MAPK8IP2: variants seen among roughly 807,000 people sequenced by gnomAD.
MAPK8IP2 encodes mitogen-activated protein kinase 8 interacting protein 2.
A neutral mutation model predicts 75.6 loss-of-function variants in MAPK8IP2; 15 were observed. The observed-to-expected ratio is 0.20, with a 90% confidence interval of 0.13 to 0.31. The LOEUF (loss-of-function observed/expected upper bound fraction) is 0.31, where lower values mean the gene tolerates loss of function less well. MAPK8IP2 is among the 10% of genes least tolerant of loss of function. The probability of loss-of-function intolerance (pLI) is 1.00; values close to 1 mark genes in which losing one functional copy is unlikely to be tolerated. For synonymous variants in MAPK8IP2, 632 were observed against 554.5 expected, an observed-to-expected ratio of 1.14 and a Z score of -1.96; for missense variants, 1,089 against 1,211.2, an observed-to-expected ratio of 0.90 and a Z score of 1.50.
rs1310904129 is a variant in MAPK8IP2, at chr22:50,606,671, G to A, written c.2138G>A (p.Arg713Gln). 3.8e-6 allele frequency: 6 copies of A among 1,595,432 alleles called. No homozygotes were observed. Among genetic ancestry groups the A allele is most frequent in the Non-Finnish European group, 5.1e-6 (6 of 1,171,300 alleles). The change falls in exon 9 of 12, where the codon CGG becomes CAG. Residue 713 changes from arginine (R) to glutamine (Q), a missense_variant. Physicochemically the swap from Arg to Gln is conservative, Grantham distance 43. Around this residue, in one of 2 missense-constraint regions of MAPK8IP2, gnomAD observed 129 missense variants for 201.7 expected, o/e 0.64. Transcript: ENST00000329492. ...CTTCTTCTGTAGATTGCCACTGCCCGGAAACTGACCGTCCACCTGCGCCCT... is the reference window on the plus strand; with the variant it reads ...CTTCTTCTGTAGATTGCCACTGCCCAGAAACTGACCGTCCACCTGCGCCCT... Reference protein sequence around the residue: ...CAAMQKIATARKLTVHLRPPA... With the variant: ...CAAMQKIATAQKLTVHLRPPA...
chr22:50,603,101 A>C (rs1169894985), intron 2 of MAPK8IP2, 122 bp from the exon 3 acceptor site: 2 of 1,576,164 alleles, frequency 1.3e-6, no homozygotes, highest in South Asian at 2.3e-5. Context: ...ACAGAGGGGC[A>C]GAGTGAGCTG....
At chr22:50,601,990 C>T (rs2146678180) in intron 2 of MAPK8IP2, 96 bp downstream of exon 2, 2 of 980,214 alleles carry the variant, frequency 2.0e-6, no homozygotes, top group Non-Finnish European at 1.6e-6. Flanking sequence ...GGTGTGAGCT[C>T]AGCCTTGAAC....
intron 10 of MAPK8IP2, among the ~76,000 whole-genome samples, chr22:50,608,670 G>A (rs1184408438): frequency 6.9e-6 from 1 of 144,558 alleles, no homozygotes; most frequent in African/African-American, 2.6e-5. Flanking sequence ...GGGCAGGGGC[G>A]CAGACCAGAC....
At position 50,606,901 on chromosome 22, in the gene MAPK8IP2, T is replaced by G. The variant is rs1057150844; in HGVS notation, c.2233-20T>G. The G allele has an allele frequency of 1.9e-6, 3 of 1,613,158 alleles. No individual in the cohort carries two copies. The African/African-American group carries it at 4.0e-5, about 22-fold the overall frequency. On this transcript the variant is annotated intron_variant, in intron 9 of 11. Coordinates refer to ENST00000329492, the MANE Select transcript of MAPK8IP2 (RefSeq NM_012324.6). ...CCAGGCCTCCTTTGACACAGGGACT[T>G]CTGCCCACCTCTGCTCTAGTTCCAG...
intron 2 of MAPK8IP2, among the ~76,000 whole-genome samples, chr22:50,602,338 T>C (rs1283669421): frequency 6.6e-6 from 1 of 152,240 alleles, no homozygotes. Context: ...CTCCTCCCTG[T>C]CTCTCCACAT....
chr22:50,605,726 A>T lies in MAPK8IP2; in HGVS notation c.2006A>T (p.Asp669Val), dbSNP rs201016359. Residue 669 changes from aspartate (D) to valine (V), a missense_variant, in exon 7 of 12, where the codon GAC becomes GTC. Around this residue, in one of 2 missense-constraint regions of MAPK8IP2, gnomAD observed 960 missense variants for 1,009.6 expected, o/e 0.95. Transcript: ENST00000329492. ...CATGCGGTGCCCGGCCCTGCCAAGG[A>T]CCTGCTGGGTGAGGTCCCAACCCCG... ...YAHAVPGPAKDLLGSKRSPCW... is the reference protein window; with the variant it reads ...YAHAVPGPAKVLLGSKRSPCW... 4.4e-5 allele frequency: 70 copies of T among 1,608,348 alleles called. No individual in the cohort carries two copies. Among genetic ancestry groups the T allele is most frequent in the Non-Finnish European group, 5.0e-5 (59 of 1,177,506 alleles).
In MAPK8IP2 at chr22:50,612,981, C is replaced by G. The variant is rs2071175269; in HGVS notation, c.*2202C>G. On this transcript the variant is annotated 3_prime_UTR_variant, in exon 12 of 12. Transcript: ENST00000329492. Reference sequence around the variant, plus strand: ...CTGTTGGACGTGCTCGTGAGTCCTTCGCCTGTCTGCCTTCCACCTCTCTGC... The same window carrying G: ...CTGTTGGACGTGCTCGTGAGTCCTTGGCCTGTCTGCCTTCCACCTCTCTGC... 1 of 63,446 alleles carries G rather than the reference C, an allele frequency of 1.6e-5. No individual in the cohort carries two copies. Among genetic ancestry groups the G allele is most frequent in the African/African-American group, 6.5e-5 (1 of 15,392 alleles). The allele number at this position is 63,446 out of a possible 1,614,324, so 3.9% of individuals were successfully genotyped here. A position where few individuals can be genotyped will look rare whatever the true frequency, so the allele number is the denominator to read the frequency against.
Position 50,606,934 on chromosome 22 carries a change from G to A in MAPK8IP2, c.2246G>A (p.Ser749Asn), listed in dbSNP as rs1420627885. ...CCTCTGCTCTAGTTCCAGCGCTGCAGCCATTTCTTCCAGATGAAGAACATC... is the reference window on the plus strand; with the variant it reads ...CCTCTGCTCTAGTTCCAGCGCTGCAACCATTTCTTCCAGATGAAGAACATC... Reference protein sequence around the residue: ...SGGGPEFQRCSHFFQMKNISF... With the variant: ...SGGGPEFQRCNHFFQMKNISF... The change falls in exon 10 of 12, where the codon AGC becomes AAC. Residue 749 changes from serine to asparagine, a missense_variant. Around this residue, in one of 2 missense-constraint regions of MAPK8IP2, gnomAD observed 129 missense variants for 201.7 expected, o/e 0.64. Coordinates refer to ENST00000329492, the MANE Select transcript of MAPK8IP2 (RefSeq NM_012324.6). 1 of 1,613,880 alleles carries A rather than the reference G, an allele frequency of 6.2e-7. No individual in the cohort carries two copies. Among genetic ancestry groups the A allele is most frequent in the South Asian group, 1.1e-5 (1 of 91,090 alleles).
In MAPK8IP2 at chr22:50,613,389, C is replaced by T. The variant is rs1226635557; in HGVS notation, c.*2610C>T. 6.5e-6 allele frequency: 1 copy of T among 152,810 alleles called. No individual in the cohort carries two copies. The allele number at this position is 152,810 out of a possible 1,614,324, so 9.5% of individuals were successfully genotyped here. On this transcript the variant is annotated 3_prime_UTR_variant, in exon 12 of 12. Transcript: ENST00000329492. ...CTGCAGGCCTTGGTCACCCCAGACT[C>T]CTCCCTCCTGTCACCCTTATCCTCA...
At position 50,604,521 on chromosome 22, in the gene MAPK8IP2, C is replaced by A; in HGVS notation, c.1222C>A (p.Leu408Met). The A allele has an allele frequency of 8.3e-7, 1 of 1,203,748 alleles. No individual in the cohort carries two copies. Among genetic ancestry groups the A allele is most frequent in the South Asian group, 3.8e-5 (1 of 26,550 alleles). The allele number at this position is 1,203,748 out of a possible 1,614,324, so 74.6% of individuals were successfully genotyped here. Residue 408 changes from leucine to methionine, a missense_variant, in exon 5 of 12, where the codon CTG (leucine) becomes ATG (methionine). Physicochemically the swap from Leu to Met is conservative, Grantham distance 15 (BLOSUM62 2). This residue lies in a region of MAPK8IP2 where 960 missense variants were observed against 1,009.6 expected (regional missense o/e 0.95). Transcript: ENST00000329492. ...EAAAGPGGVE[L>M]VDMETLCAPP... ...GGCCGCGGGGCCCGGCGGCGTGGAGCTGGTGGACATGGAGACGCTGTGCGC... is the reference window on the plus strand; with the variant it reads ...GGCCGCGGGGCCCGGCGGCGTGGAGATGGTGGACATGGAGACGCTGTGCGC...
rs527941486 is a variant in MAPK8IP2, at chr22:50,604,096, G to T, written c.797G>T (p.Arg266Leu). 6 of 1,549,752 alleles carry T rather than the reference G, an allele frequency of 3.9e-6. No individual in the cohort carries two copies. The highest frequency in any genetic ancestry group is 1.8e-4 in the Middle Eastern group (1 of 5,418). ...GACGCGGGCGGCGCGCGCCTGGGGC[G>T]CATGATCTCGTCCATCTCGGAGACG... ...SEDAGGARLGRMISSISETEL... is the reference protein window; with the variant it reads ...SEDAGGARLGLMISSISETEL... Residue 266 changes from arginine to leucine, a missense_variant, in exon 5 of 12, where the codon CGC (arginine) becomes CTC (leucine). Physicochemically the swap from Arg to Leu is moderately radical, Grantham distance 102. Coordinates refer to ENST00000329492, the MANE Select transcript of MAPK8IP2 (RefSeq NM_012324.6).
rs551844860 is a variant in MAPK8IP2 at position 50,613,177 on chromosome 22, A to T, written c.*2398A>T. 6.6e-6 allele frequency: 1 copy of T among 152,378 alleles called. No homozygotes were observed. The highest frequency in any genetic ancestry group is 1.9e-4 in the East Asian group (1 of 5,164). The allele number at this position is 152,378 out of a possible 1,614,324, so 9.4% of individuals were successfully genotyped here. On this transcript the variant is annotated 3_prime_UTR_variant, in exon 12 of 12. Transcript: ENST00000329492. ...GCCCCCTGTGCAGACCACTGGGCAG[A>T]TCCAGCTGACCTCCAGGGGCACTTC... is the stretch of plus-strand genomic sequence containing the variant.
intron 2 of MAPK8IP2, among the ~76,000 whole-genome samples, chr22:50,602,150 G>A (rs781245435): frequency 6.6e-6 from 1 of 152,164 alleles, no homozygotes; most frequent in Non-Finnish European, 1.5e-5. Flanking sequence ...GGGCAGGGAG[G>A]TGCTCCTTTG....
intron 10 of MAPK8IP2, chr22:50,609,839 C>A: frequency 1.9e-6 from 1 of 518,458 alleles, no homozygotes; most frequent in East Asian, 5.4e-5. Flanking sequence ...CTGCTAGGCC[C>A]GCAGGAGGAG....
At chr22:50,605,514 G>C (rs978150461) in intron 6 of MAPK8IP2, 48 bp from the exon 7 acceptor site, 11 of 1,594,828 alleles carry the variant, frequency 6.9e-6, no homozygotes, top group Non-Finnish European at 7.7e-6. Context: ...CAGTGGACAC[G>C]ACCGTCAATC....
Position 50,604,146 on chromosome 22 carries a change from G to A in MAPK8IP2, c.847G>A (p.Gly283Arg), listed in dbSNP as rs867742214. The A allele has an allele frequency of 6.4e-6, 10 of 1,555,370 alleles. No individual in the cohort carries two copies. The highest frequency in any genetic ancestry group is 2.4e-5 in the East Asian group (1 of 41,974). ...ETELELSSDG[G>R]SSSSGRSSHL... Reference sequence around the variant, plus strand: ...GGAGCTGGAGCTGAGCAGCGATGGCGGAAGCAGCAGCAGCGGCCGCTCCTC... The same window carrying A: ...GGAGCTGGAGCTGAGCAGCGATGGCAGAAGCAGCAGCAGCGGCCGCTCCTC... The change falls in exon 5 of 12, where the codon GGA (glycine) becomes AGA (arginine). Residue 283 changes from glycine to arginine, a missense_variant. By Grantham distance (125) the Gly-to-Arg change is moderately radical. Around this residue, in one of 2 missense-constraint regions of MAPK8IP2, gnomAD observed 960 missense variants for 1,009.6 expected, o/e 0.95. Coordinates refer to ENST00000329492, the MANE Select transcript of MAPK8IP2 (RefSeq NM_012324.6).
chr22:50,602,244 C>G (rs1245117298), intron 2 of MAPK8IP2, among the ~76,000 whole-genome samples: 1 of 152,248 alleles, frequency 6.6e-6, no homozygotes, highest in Non-Finnish European at 1.5e-5. Flanking sequence ...CCCTCTGCAG[C>G]CCTGTGCCCT....
Position 50,606,753 on chromosome 22 carries a change from A to G in MAPK8IP2, c.2220A>G (p.Gly740=). 6.3e-7 allele frequency: 1 copy of G among 1,581,174 alleles called. No homozygotes were observed. The highest frequency in any genetic ancestry group is 8.6e-7 in the Non-Finnish European group (1 of 1,163,814). ...GGGGGGTCAAGCTGAGTCTGAGCGG[A>G]GGAGGGCCCGAGGTGGGAGTGTGGG... ...SLRGVKLSLS[G]GGPEFQRCSH... The change falls in exon 9 of 12, where the codon GGA becomes GGG. Residue 740 remains glycine, a synonymous_variant. Coordinates refer to ENST00000329492, the MANE Select transcript of MAPK8IP2 (RefSeq NM_012324.6).
At position 50,606,914 on chromosome 22, in the gene MAPK8IP2, G is replaced by C; in HGVS notation, c.2233-7G>C. The C allele has an allele frequency of 6.2e-7, 1 of 1,613,726 alleles. No homozygotes were observed. Among genetic ancestry groups the C allele is most frequent in the Non-Finnish European group, 8.5e-7 (1 of 1,179,778 alleles). ...GACACAGGGACTTCTGCCCACCTCT[G>C]CTCTAGTTCCAGCGCTGCAGCCATT... On this transcript the variant is annotated splice_region_variant and splice_polypyrimidine_tract_variant and intron_variant, in intron 9 of 11. Coordinates refer to ENST00000329492, the MANE Select transcript of MAPK8IP2 (RefSeq NM_012324.6).
Sources: allele counts gnomAD v4.1 joint callset (sites outside exome capture counted in the v4.1 genomes callset), GRCh38; gene constraint gnomAD v4.1.1; regional missense constraint gnomAD v4.1.1; transcripts MANE v1.5; gene names NCBI Gene and HGNC (gene_info 2026-07-23, HGNC 2026-07-21).